NUP210L: variants seen among roughly 807,000 people sequenced by gnomAD.
NUP210L encodes nucleoporin 210 like, also known as nuclear pore membrane glycoprotein 210-like.
In NUP210L, 74 loss-of-function variants were observed where a neutral mutation model predicts 208.5. The observed-to-expected ratio is 0.35, with a 90% CI of 0.29 to 0.43. The LOEUF (loss-of-function observed/expected upper bound fraction) is 0.43, where lower values mean the gene tolerates loss of function less well. Ranked by LOEUF, NUP210L falls within the 20% of genes least tolerant of loss-of-function variation. The probability of loss-of-function intolerance (pLI) is 1.00; values close to 1 mark genes in which losing one functional copy is unlikely to be tolerated. For synonymous variants in NUP210L, 780 were observed against 816.9 expected, an observed-to-expected ratio of 0.95 and a Z score of 0.77; for missense variants, 1,843 against 2,289.4, an observed-to-expected ratio of 0.81 and a Z score of 3.98.
intron 16 of NUP210L, among the ~76,000 whole-genome samples, chr1:154,088,866 C>G (rs1655755840): frequency 6.6e-6 from 1 of 152,130 alleles, no homozygotes; most frequent in South Asian, 2.1e-4. Flanking sequence ...ATATGATGTT[C>G]TACTTTCTAG....
At chr1:154,091,697 C>T (rs1655925403) in intron 15 of NUP210L, among the ~76,000 whole-genome samples, 2 of 151,204 alleles carry the variant, frequency 1.3e-5, no homozygotes, top group African/African-American at 2.4e-5. Context: ...GATGGGGTTT[C>T]ACCATATTGG....
intron 27 of NUP210L, among the ~76,000 whole-genome samples, chr1:154,036,624 C>G (rs1231476709): frequency 6.6e-6 from 1 of 151,866 alleles, no homozygotes; most frequent in African/African-American, 2.4e-5. Flanking sequence ...CTTGGCCTCC[C>G]AAAGTGCTGG....
chr1:154,091,481 T>TTTTTC (rs779528378), intron 15 of NUP210L, among the ~76,000 whole-genome samples: 92 of 149,776 alleles, frequency 6.1e-4, no homozygotes, highest in East Asian at 1.4e-3. Context: ...GCAACATGTC[T>TTTTTC]TTTTCTTTTC....
intron 30 of NUP210L, among the ~76,000 whole-genome samples, chr1:154,024,140 G>T (rs1355996307): frequency 6.6e-6 from 1 of 152,166 alleles, no homozygotes; most frequent in Non-Finnish European, 1.5e-5. Context: ...AGCTTTATGA[G>T]GAAAGGACTA....
chr1:154,144,471 T>G (rs960953549), intron 2 of NUP210L, among the ~76,000 whole-genome samples: 2 of 152,190 alleles, frequency 1.3e-5, no homozygotes, highest in African/African-American at 4.8e-5. Context: ...ACCACCGTAT[T>G]AGATCTAGCT....
chr1:154,141,499 C>G, exon 4 of NUP210L: 2 of 1,611,070 alleles, frequency 1.2e-6, no homozygotes, highest in South Asian at 2.2e-5. Flanking sequence ...CAAACATCAT[C>G]CCTGCCAAAC....
intron 2 of NUP210L, 80 bp from the exon 3 acceptor site, chr1:154,143,657 T>A (rs1658970343): frequency 8.2e-7 from 1 of 1,225,142 alleles, no homozygotes. Flanking sequence ...AAAACTGTAT[T>A]CTAAAGATTA....
intron 15 of NUP210L, among the ~76,000 whole-genome samples, chr1:154,090,265 G>C (rs766800465): frequency 1.3e-5 from 2 of 151,428 alleles, no homozygotes; most frequent in African/African-American, 4.9e-5. Flanking sequence ...CTTTTCCTCC[G>C]CCAAATATTT....
chr1:154,034,644 CT>C (rs937351835), intron 27 of NUP210L, among the ~76,000 whole-genome samples: 1 of 151,782 alleles, frequency 6.6e-6, no homozygotes, highest in African/African-American at 2.4e-5. Flanking sequence ...TGCTGGGAGA[CT>C]TTTCATCATG....
chr1:154,060,519 G>A, intron 20 of NUP210L, 21 bp downstream of exon 20: 1 of 1,492,404 alleles, frequency 6.7e-7, no homozygotes, highest in Non-Finnish European at 9.3e-7. Context: ...CCATCAATCT[G>A]GGACTGTCTC....
intron 28 of NUP210L, among the ~76,000 whole-genome samples, chr1:154,029,673 A>G (rs1390471929): frequency 1.3e-5 from 2 of 152,150 alleles, no homozygotes; most frequent in African/African-American, 4.8e-5. Context: ...CTTGGCAACA[A>G]GAGCGAAACT....
At chr1:154,126,462 T>C in exon 10 of NUP210L, 2 of 1,607,198 alleles carry the variant, frequency 1.2e-6, no homozygotes, top group Non-Finnish European at 1.7e-6. Context: ...AATCCTGAGA[T>C]TCTGAAAATC....
intron 20 of NUP210L, 70 bp downstream of exon 20, chr1:154,060,470 A>G (rs1272609766): frequency 1.1e-6 from 1 of 940,874 alleles, no homozygotes; most frequent in Non-Finnish European, 1.6e-6. Flanking sequence ...CACAAAATGG[A>G]ATTTTTCCAA....
intron 14 of NUP210L, among the ~76,000 whole-genome samples, chr1:154,099,384 G>A (rs115053134): frequency 3.2e-3 from 485 of 152,278 alleles, no homozygotes; most frequent in Non-Finnish European, 5.6e-3. Context: ...ACGGCTCCAC[G>A]GAGTGTGCAG....
intron 7 of NUP210L, among the ~76,000 whole-genome samples, chr1:154,133,916 G>A (rs879602253): frequency 5.3e-5 from 8 of 151,824 alleles, no homozygotes; most frequent in Non-Finnish European, 1.2e-4. Flanking sequence ...GTGGAAGGCC[G>A]AAGTGGGTGG....
chr1:154,100,255 G>A (rs779265608), intron 13 of NUP210L, 112 bp from the exon 14 acceptor site: 59 of 914,470 alleles, frequency 6.5e-5, no homozygotes, highest in Non-Finnish European at 8.5e-5. Flanking sequence ...TTTAAGACCC[G>A]CCTGAAAAAC....
chr1:154,009,386 T>C lies in NUP210L; in HGVS notation c.4930+586A>G, dbSNP rs1437944372. 2.0e-5 allele frequency among the ~76,000 whole-genome samples: 3 copies of C among 152,054 alleles called. No individual in the cohort carries two copies. In the East Asian group the frequency reaches 5.8e-4, roughly 29 times the overall value. Reference sequence around the variant, plus strand: ...TGTGCTACATGCTGGGAATGAAAGATAAATGAGACACAATGCAGAGCCTCA... The same window carrying C: ...TGTGCTACATGCTGGGAATGAAAGACAAATGAGACACAATGCAGAGCCTCA... On this transcript the variant is annotated intron_variant, in intron 35 of 39. Coordinates refer to ENST00000368559, the Ensembl canonical transcript of NUP210L.
At chr1:154,049,207 G>T (rs1653356381) in intron 25 of NUP210L, among the ~76,000 whole-genome samples, 1 of 152,132 alleles carries the variant, frequency 6.6e-6, no homozygotes, top group South Asian at 2.1e-4. Context: ...ATTTTGCATT[G>T]TGAAGGGCCC....
intron 23 of NUP210L, among the ~76,000 whole-genome samples, chr1:154,055,660 T>C (rs886513230): frequency 3.9e-5 from 6 of 152,154 alleles, no homozygotes; most frequent in African/African-American, 1.4e-4. Flanking sequence ...CCTCTCAAAG[T>C]GCTGGGATTA....
Sources: gnomAD v4.1 joint callset for allele counts (sites outside exome capture counted in the v4.1 genomes callset) on GRCh38, gnomAD v4.1.1 for gene constraint, MANE v1.5 for transcripts, NCBI Gene and HGNC (gene_info 2026-07-23, HGNC 2026-07-21) for gene names.